The following ANXA8 variants were observed in gnomAD, a reference collection of about 807,000 sequenced individuals.
The protein encoded by ANXA8 is VAC-beta.
Under a neutral mutation model 26.8 loss-of-function variants are expected in ANXA8, and 9 were observed. The observed-to-expected ratio is 0.34, with a 90% CI of 0.20 to 0.59. The LOEUF (loss-of-function observed/expected upper bound fraction) is 0.59, where lower values mean the gene tolerates loss of function less well. ANXA8 is among the 20% of genes least tolerant of loss of function. The pLI, the probability that ANXA8 is intolerant of heterozygous loss-of-function variation, is 0.84. For missense variants in ANXA8, 83 were observed against 238.5 expected (o/e 0.35, Z 4.29); for synonymous variants, 39 against 94.8 (o/e 0.41, Z 3.42).
chr10:47,895,108 C>T, the ANXA8 span, among the ~76,000 whole-genome samples: 1 of 151,820 alleles, frequency 6.6e-6, no homozygotes, highest in East Asian at 1.9e-4. Context: ...ATCACATAAA[C>T]ACACACACAC....
chr10:47,588,656 G>C, the ANXA8 span: 1 of 146,816 alleles, frequency 6.8e-6, no homozygotes, highest in South Asian at 2.1e-4. Flanking sequence ...GGATTGTTGT[G>C]AAGATTAAAT....
At chr10:47,631,749 A>T in the ANXA8 span, among the ~76,000 whole-genome samples, 4 of 150,592 alleles carry the variant, frequency 2.7e-5, no homozygotes, top group Non-Finnish European at 5.9e-5. Flanking sequence ...TAGAGAATTC[A>T]TCCTGGCATT....
the ANXA8 span, among the ~76,000 whole-genome samples, chr10:47,647,560 T>C: frequency 2.0e-5 from 3 of 149,074 alleles, no homozygotes; most frequent in African/African-American, 5.1e-5. Flanking sequence ...CAGAGTGAAA[T>C]GGACAGATAA....
At chr10:47,676,591 G>A in the ANXA8 span, among the ~76,000 whole-genome samples, 7 of 151,838 alleles carry the variant, frequency 4.6e-5, no homozygotes, top group Non-Finnish European at 1.0e-4. Context: ...AGGAGTTTGA[G>A]TCCAGCCTGA....
chr10:47,599,054 T>G, the ANXA8 span, among the ~76,000 whole-genome samples: 1 of 146,860 alleles, frequency 6.8e-6, no homozygotes, highest in South Asian at 2.1e-4. Flanking sequence ...CAATAATTTT[T>G]TATTTCATTC....
chr10:47,701,776 G>A, the ANXA8 span, among the ~76,000 whole-genome samples: 3 of 151,736 alleles, frequency 2.0e-5, no homozygotes, highest in African/African-American at 7.3e-5. Context: ...ATGGGAACAG[G>A]ATAGCAGGGG....
the ANXA8 span, among the ~76,000 whole-genome samples, chr10:47,959,436 T>A: frequency 1.4e-3 from 207 of 149,528 alleles, 23 homozygotes; most frequent in East Asian, 0.04. Flanking sequence ...TTGGCCAGAG[T>A]GTGTCACACA....
the ANXA8 span, among the ~76,000 whole-genome samples, chr10:47,733,146 TTTCTTTCTTTC>T: frequency 2.3e-5 from 1 of 43,664 alleles, no homozygotes; most frequent in African/African-American, 9.3e-5. Context: ...CTCCCTAATC[TTTCTTTCTTTC>T]TTTCTTTCTT....
the ANXA8 span, among the ~76,000 whole-genome samples, chr10:47,676,807 A>G: frequency 3.4e-5 from 5 of 147,482 alleles, no homozygotes; most frequent in Non-Finnish European, 5.9e-5. Context: ...AGTCCCAGCT[A>G]CTCGGGAGGC....
At chr10:47,663,268 C>T in the ANXA8 span, among the ~76,000 whole-genome samples, 2 of 148,762 alleles carry the variant, frequency 1.3e-5, no homozygotes, top group South Asian at 2.1e-4. Context: ...CACTGATGAC[C>T]GTGTGTCTCT....
chr10:47,490,519 T>C, the ANXA8 span: 1 of 152,906 alleles, frequency 6.5e-6, no homozygotes, highest in South Asian at 2.1e-4. Context: ...GTGGTGAGGA[T>C]GTGGAGGTTG....
At chr10:47,743,329 C>CATATATATACACACAT in the ANXA8 span, among the ~76,000 whole-genome samples, 2 of 47,794 alleles carry the variant, frequency 4.2e-5, no homozygotes, top group South Asian at 8.1e-4. Context: ...TATATATATA[C>CATATATATACACACAT]ATATATATAT....
chr10:47,925,000 G>T, the ANXA8 span, among the ~76,000 whole-genome samples: 1 of 114,284 alleles, frequency 8.8e-6, no homozygotes. Context: ...GGTATTGAGT[G>T]ATTTATTGAG....
intron 11 of ANXA8, 110 bp from the exon 12 acceptor site, chr10:47,469,016 C>A: frequency 6.8e-7 from 1 of 1,460,052 alleles, no homozygotes; most frequent in East Asian, 2.5e-5. Context: ...GCACCTGGCC[C>A]GGCCCTCCAG....
chr10:47,649,801 T>C, the ANXA8 span, among the ~76,000 whole-genome samples: 84 of 139,752 alleles, frequency 6.0e-4, 4 homozygotes, highest in African/African-American at 2.3e-3. Context: ...CCATCATGGC[T>C]CACTGCAGTT....
chr10:47,552,778 G>T, the ANXA8 span, among the ~76,000 whole-genome samples: 3 of 151,848 alleles, frequency 2.0e-5, no homozygotes, highest in African/African-American at 7.3e-5. Flanking sequence ...ATTCAGTTAA[G>T]GTCCTGTATT....
At chr10:47,943,735 A>C in the ANXA8 span, among the ~76,000 whole-genome samples, 1 of 150,884 alleles carries the variant, frequency 6.6e-6, no homozygotes, top group Non-Finnish European at 1.5e-5. Context: ...GTTCCTGAAA[A>C]TGTGAGTTGT....
chr10:47,659,633 G>T, the ANXA8 span, among the ~76,000 whole-genome samples: 8 of 149,196 alleles, frequency 5.4e-5, no homozygotes, highest in South Asian at 1.7e-3. Context: ...CTGAGATTGC[G>T]CCATTGCACT....
At chr10:47,699,487 T>C in the ANXA8 span, among the ~76,000 whole-genome samples, 4 of 151,238 alleles carry the variant, frequency 2.6e-5, no homozygotes, top group Non-Finnish European at 4.4e-5. Flanking sequence ...CAAATTTAAA[T>C]AATAAGATAA....
Sources: gnomAD v4.1 joint callset for allele counts (sites outside exome capture counted in the v4.1 genomes callset) on GRCh38, gnomAD v4.1.1 for gene constraint, MANE v1.5 for transcripts, NCBI Gene and HGNC (gene_info 2026-07-23, HGNC 2026-07-21) for gene names.